The following NR2E3 variants were observed in gnomAD, a reference collection of about 807,000 sequenced individuals.
NR2E3 encodes photoreceptor-specific nuclear receptor.
Under a neutral mutation model 37.6 loss-of-function variants are expected in NR2E3, and 38 were observed. The observed-to-expected ratio is 1.01, with a 90% CI of 0.78 to 1.33. The LOEUF is 1.33. Ranked by LOEUF, NR2E3 falls within the 40% of genes most tolerant of loss-of-function variation. NR2E3 has a pLI of 0.00. For synonymous variants in NR2E3, 235 were observed against 225.1 expected, an observed-to-expected ratio of 1.04 and a Z score of -0.39; for missense variants, 562 against 558.7, an observed-to-expected ratio of 1.01 and a Z score of -0.06.
chr15:71,811,402 G>A lies in NR2E3; in HGVS notation c.119-81G>A. On this transcript the variant is annotated intron_variant, in intron 1 of 7. Coordinates refer to ENST00000617575, the MANE Select transcript of NR2E3 (RefSeq NM_014249.4). This position sits in a 1 kb window ranked among gnomAD's most constrained non-coding sequence, Gnocchi z 5.6. ...GAGCGGGGCCTGAGGACTGGGAAAG[G>A]GACCCGAGGGAAGGAGGGGAGCGTG... 5 of 1,343,632 alleles carry A rather than the reference G, an allele frequency of 3.7e-6. No homozygotes were observed. The highest frequency in any genetic ancestry group is 4.3e-5 in the Admixed American group (2 of 46,364). 83.2% of individuals were successfully genotyped at this position (1,343,632 alleles called of 1,614,324 possible).
At chr15:71,812,270 GC>G in intron 4 of NR2E3, 65 bp from the exon 5 acceptor site, 1 of 1,611,278 alleles carries the variant, frequency 6.2e-7, no homozygotes, top group Non-Finnish European at 8.5e-7. Context: ...CTCCCCCGGG[GC>G]TCCAAGTACT....
Position 71,817,788 on chromosome 15 carries a change from C to T in NR2E3, c.*104C>T. The T allele has an allele frequency of 9.3e-7, 1 of 1,070,272 alleles. No homozygotes were observed. Among genetic ancestry groups the T allele is most frequent in the Non-Finnish European group, 1.3e-6 (1 of 754,696 alleles). 66.3% of individuals were successfully genotyped at this position (1,070,272 alleles called of 1,614,324 possible). A position where few individuals can be genotyped will look rare whatever the true frequency, so the allele number is the denominator to read the frequency against. On this transcript the variant is annotated 3_prime_UTR_variant, in exon 8 of 8. Transcript: ENST00000617575. ...AGCAATTCCTCGTAGGTGTGTGTAC[C>T]CAGCAGAAATGCCCACCGAAAGATA...
At chr15:71,816,284 G>A (rs1400341137) in intron 7 of NR2E3, among the ~76,000 whole-genome samples, 23 of 141,100 alleles carry the variant, frequency 1.6e-4, no homozygotes, top group African/African-American at 4.6e-4. Context: ...TTTTTGAGAC[G>A]GAGTCTCTCT....
In NR2E3 at chr15:71,811,599, CTCA is replaced by C. The variant is rs2054181345; in HGVS notation, c.238_240del (p.Ile80del). On this transcript the variant is annotated inframe_deletion, in exon 2 of 8. Transcript: ENST00000617575. This position sits in a 1 kb window ranked among gnomAD's most constrained non-coding sequence, Gnocchi z 5.6. The stretch of plus-strand genomic sequence containing the variant: ...CTTCAAGAGGAGCGTACGGCGGAGG[CTCA>C]TCTACAGGTGAGTGCGGTGGGCCCT... 3.7e-6 allele frequency: 6 copies of C among 1,604,146 alleles called. No homozygotes were observed. The highest frequency in any genetic ancestry group is 5.1e-6 in the Non-Finnish European group (6 of 1,175,994).
rs531509237 is a variant in NR2E3, at chr15:71,813,747, G to A, written c.994+112G>A. 3.2e-6 allele frequency: 5 copies of A among 1,542,832 alleles called. No homozygotes were observed. The South Asian group carries it at 4.6e-5, about 14-fold the overall frequency. On this transcript the variant is annotated intron_variant, in intron 6 of 7. Transcript: ENST00000617575. This position sits in a 1 kb window ranked among gnomAD's most constrained non-coding sequence, Gnocchi z 4.7. ...CAGATGTGTGTAGGCCTCTATCCTGGGGGGTGGGAGGAGAGTGGTGAGGCT... is the reference window on the plus strand; with the variant it reads ...CAGATGTGTGTAGGCCTCTATCCTGAGGGGTGGGAGGAGAGTGGTGAGGCT...
At position 71,813,332 on chromosome 15, in the gene NR2E3, A is replaced by C. The variant is rs2054200964; in HGVS notation, c.748-57A>C. ...TGCCTGAGATGGTGGCAGAGGCTCC[A>C]GACTGAGCCAGAGAAGCTGTGTGTC... On this transcript the variant is annotated intron_variant, in intron 5 of 7. Coordinates refer to ENST00000617575, the MANE Select transcript of NR2E3 (RefSeq NM_014249.4). The surrounding 1 kb of genome is among the most constrained non-coding windows in gnomAD (Gnocchi z 4.7). 3 of 1,580,320 alleles carry C rather than the reference A, an allele frequency of 1.9e-6. No homozygotes were observed. The African/African-American group carries it at 4.0e-5, about 21-fold the overall frequency.
intron 7 of NR2E3, 164 bp downstream of exon 7, chr15:71,814,281 G>T: frequency 7.1e-7 from 1 of 1,417,000 alleles, no homozygotes. Flanking sequence ...CAGGCCCCGG[G>T]AGTGGGGACC....
At chr15:71,817,467 C>A in intron 7 of NR2E3, 85 bp from the exon 8 acceptor site, 1 of 1,481,074 alleles carries the variant, frequency 6.8e-7, no homozygotes, top group Non-Finnish European at 9.1e-7. Flanking sequence ...TCCTTCCTCC[C>A]CTCCCTTTCC....
intron 7 of NR2E3, 90 bp downstream of exon 7, chr15:71,814,207 G>A: frequency 1.3e-6 from 2 of 1,505,300 alleles, no homozygotes; most frequent in Non-Finnish European, 1.8e-6. Flanking sequence ...TCACTGATTA[G>A]ACAGCACAAG....
chr15:71,815,548 T>G (rs1457163664), intron 7 of NR2E3, among the ~76,000 whole-genome samples: 1 of 152,224 alleles, frequency 6.6e-6, no homozygotes, highest in African/African-American at 2.4e-5. Context: ...ATATTGGTTA[T>G]GCGTCAAATT....
rs2054171751 is a variant in NR2E3, at chr15:71,810,774, T to G, written c.31T>G (p.Ser11Ala). 10 of 1,576,806 alleles carry G rather than the reference T, an allele frequency of 6.3e-6. No homozygotes were observed. The highest frequency in any genetic ancestry group is 8.6e-6 in the Non-Finnish European group (10 of 1,161,920). Residue 11 changes from serine to alanine, a missense_variant, in exon 1 of 8, where the codon TCC (serine) becomes GCC (alanine). Physicochemically the swap from Ser to Ala is moderately conservative, Grantham distance 99. Transcript: ENST00000617575. ...GACCAGACCAACAGCTCTGATGAGC[T>G]CCACAGTGGCTGCAGCTGCGCCTGC... The part of the protein sequence containing the change: METRPTALMS[S>A]TVAAAAPAAG...
chr15:71,817,319 C>T, intron 7 of NR2E3: 1 of 314,670 alleles, frequency 3.2e-6, no homozygotes, highest in Non-Finnish European at 6.0e-6. Flanking sequence ...AGGATGGTCT[C>T]GATCTCCTGA....
In NR2E3 at chr15:71,816,794, C is replaced by A. The variant is rs192765626; in HGVS notation, c.1101-758C>A. On this transcript the variant is annotated intron_variant, in intron 7 of 7. Transcript: ENST00000617575. ...ATTTTCATATACAGGTGCTCCTTGA[C>A]TTATGATGGGGTTACATCTGGATAA... Among the ~76,000 whole-genome samples the A allele has an allele frequency of 1.0e-3, 157 of 152,100 alleles. 2 individuals are homozygous for A. The highest frequency in any genetic ancestry group is 9.7e-3 in the Admixed American group (148 of 15,286).
chr15:71,811,741 C>T lies in NR2E3; in HGVS notation c.246-25C>T. ...TCAGGGCATGGGAGGGACACTGACC[C>T]CTGGGGTCTCCTCTTCACCTGCAGG... On this transcript the variant is annotated intron_variant, in intron 2 of 7. Coordinates refer to ENST00000617575, the MANE Select transcript of NR2E3 (RefSeq NM_014249.4). This position sits in a 1 kb window ranked among gnomAD's most constrained non-coding sequence, Gnocchi z 5.6. The T allele has an allele frequency of 4.5e-6, 7 of 1,549,262 alleles. No individual in the cohort carries two copies. Among genetic ancestry groups the T allele is most frequent in the Non-Finnish European group, 6.1e-6 (7 of 1,145,350 alleles).
rs908555481 is a variant in NR2E3, at chr15:71,811,181, A to T, written c.119-302A>T. 1.4e-4 allele frequency among the ~76,000 whole-genome samples: 22 copies of T among 152,000 alleles called. No individual in the cohort carries two copies. Among genetic ancestry groups the T allele is most frequent in the Non-Finnish European group, 2.6e-4 (18 of 67,986 alleles). On this transcript the variant is annotated intron_variant, in intron 1 of 7. Coordinates refer to ENST00000617575, the MANE Select transcript of NR2E3 (RefSeq NM_014249.4). This position sits in a 1 kb window ranked among gnomAD's most constrained non-coding sequence, Gnocchi z 5.6. ...TTGACAAGAATGTTTCTGTGGGATGATGGAGCCTGAAGCCACCCACAGAGA... is the reference window on the plus strand; with the variant it reads ...TTGACAAGAATGTTTCTGTGGGATGTTGGAGCCTGAAGCCACCCACAGAGA...
chr15:71,817,755 T>C lies in NR2E3; in HGVS notation c.*71T>C. ...ACTGAAACGAAACATTTGCCTACTC[T>C]TTGCCCCAGCAATTCCTCGTAGGTG... On this transcript the variant is annotated 3_prime_UTR_variant, in exon 8 of 8. Transcript: ENST00000617575. 6.9e-7 allele frequency: 1 copy of C among 1,447,752 alleles called. No homozygotes were observed. Among genetic ancestry groups the C allele is most frequent in the Non-Finnish European group, 9.4e-7 (1 of 1,058,296 alleles). 89.7% of individuals were successfully genotyped at this position (1,447,752 alleles called of 1,614,324 possible).
At chr15:71,815,944 T>G (rs894299130) in intron 7 of NR2E3, among the ~76,000 whole-genome samples, 1 of 152,126 alleles carries the variant, frequency 6.6e-6, no homozygotes, top group Non-Finnish European at 1.5e-5. Flanking sequence ...CTAATTTAGA[T>G]CAGAAAAACA....
chr15:71,814,779 G>A, intron 7 of NR2E3: 2 of 985,468 alleles, frequency 2.0e-6, no homozygotes, highest in South Asian at 4.7e-5. Context: ...ACTGGGAAGG[G>A]GATGGCAGCT....
chr15:71,813,979 T>G lies in NR2E3; in HGVS notation c.995-33T>G, dbSNP rs2054207447. The G allele has an allele frequency of 6.3e-7, 1 of 1,595,914 alleles. No homozygotes were observed. Among genetic ancestry groups the G allele is most frequent in the Non-Finnish European group, 8.5e-7 (1 of 1,172,326 alleles). ...GCCAGCCTTATAACAGCCGTAAACC[T>G]GTGCTAAGCTCACTGGTGCTGCTTC... On this transcript the variant is annotated intron_variant, in intron 6 of 7. Coordinates refer to ENST00000617575, the MANE Select transcript of NR2E3 (RefSeq NM_014249.4). This position sits in a 1 kb window ranked among gnomAD's most constrained non-coding sequence, Gnocchi z 4.7.
Sources: gnomAD v4.1 joint callset for allele counts (sites outside exome capture counted in the v4.1 genomes callset) on GRCh38, gnomAD v4.1.1 for gene constraint, Gnocchi (gnomAD v3.1) non-coding constraint, MANE v1.5 for transcripts, NCBI Gene and HGNC (gene_info 2026-07-23, HGNC 2026-07-21) for gene names.